The following SH3RF3 variants were observed in gnomAD, a reference collection of about 807,000 sequenced individuals.
SH3RF3 encodes E3 ubiquitin-protein ligase SH3RF3.
Under a neutral mutation model 66.3 loss-of-function variants are expected in SH3RF3, and 29 were observed. The observed-to-expected ratio is 0.44, with a 90% confidence interval of 0.33 to 0.60. The LOEUF is 0.60. Ranked by LOEUF, SH3RF3 falls within the 20% of genes least tolerant of loss-of-function variation. The probability of loss-of-function intolerance (pLI) is 0.04; values close to 1 mark genes in which losing one functional copy is unlikely to be tolerated. For synonymous variants in SH3RF3, 583 were observed against 532.0 expected (o/e 1.10, Z -1.32); for missense variants, 1,194 against 1,190.9 (o/e 1.00, Z -0.04).
At chr2:109,403,618 A>G (rs1402835824) in intron 4 of SH3RF3, among the ~76,000 whole-genome samples, 1 of 152,236 alleles carries the variant, frequency 6.6e-6, no homozygotes, top group African/African-American at 2.4e-5. Flanking sequence ...GCGGTGCTCC[A>G]TAAAGTGCCC....
chr2:109,391,236 T>A (rs979430605), intron 3 of SH3RF3, among the ~76,000 whole-genome samples: 4 of 152,248 alleles, frequency 2.6e-5, no homozygotes, highest in Admixed American at 6.5e-5. Context: ...TAAACTTCAG[T>A]TATCCGAATA....
intron 1 of SH3RF3, among the ~76,000 whole-genome samples, chr2:109,178,168 T>C (rs1677971333): frequency 6.6e-6 from 1 of 152,152 alleles, no homozygotes; most frequent in South Asian, 2.1e-4. Context: ...AAGGAAAAAA[T>C]ATGAGGCACC....
At chr2:109,244,199 G>C (rs939468526) in intron 1 of SH3RF3, among the ~76,000 whole-genome samples, 1 of 152,274 alleles carries the variant, frequency 6.6e-6, no homozygotes, top group Middle Eastern at 3.4e-3. Flanking sequence ...CAAAACAATG[G>C]ATTCTAATCC....
At chr2:109,306,049 T>C (rs1408499269) in intron 1 of SH3RF3, among the ~76,000 whole-genome samples, 1 of 152,228 alleles carries the variant, frequency 6.6e-6, no homozygotes, top group Non-Finnish European at 1.5e-5. Flanking sequence ...TGCTGGGCTC[T>C]TACTGGCAGC....
At chr2:109,271,173 G>A (rs1349611098) in intron 1 of SH3RF3, among the ~76,000 whole-genome samples, 1 of 152,184 alleles carries the variant, frequency 6.6e-6, no homozygotes, top group Admixed American at 6.5e-5. Flanking sequence ...GCTTCCTGGA[G>A]TATTTGCTAA....
intron 1 of SH3RF3, among the ~76,000 whole-genome samples, chr2:109,180,679 T>C (rs1035972197): frequency 3.9e-5 from 6 of 152,218 alleles, no homozygotes; most frequent in African/African-American, 1.4e-4. Context: ...ATGTCCTCCA[T>C]GTAAGATGTG....
intron 7 of SH3RF3, among the ~76,000 whole-genome samples, chr2:109,441,862 C>T (rs1159022101): frequency 6.6e-6 from 1 of 152,048 alleles, no homozygotes; most frequent in Non-Finnish European, 1.5e-5. Flanking sequence ...ATGTCAAGAA[C>T]AGTTCAAGTG....
chr2:109,184,113 G>A (rs1021441019), intron 1 of SH3RF3, among the ~76,000 whole-genome samples: 2 of 152,178 alleles, frequency 1.3e-5, no homozygotes, highest in Non-Finnish European at 2.9e-5. Context: ...CATGTGCTTC[G>A]TAGTCTCCTG....
rs184211342 is a variant in SH3RF3, at chr2:109,143,180, A to G, written c.573+13067A>G. ...CATTTAATGGTCCATTCTGTTTGTC[A>G]AGTGGTGCATATAGAAAAATTGTGG... On this transcript the variant is annotated intron_variant, in intron 1 of 9. Transcript: ENST00000309415. 2.4e-3 allele frequency among the ~76,000 whole-genome samples: 369 copies of G among 152,306 alleles called. 1 individual carries two copies. The highest frequency in any genetic ancestry group is 3.7e-3 in the Non-Finnish European group (255 of 68,032).
chr2:109,456,492 G>C (rs1052499344), intron 8 of SH3RF3, among the ~76,000 whole-genome samples: 1 of 152,234 alleles, frequency 6.6e-6, no homozygotes, highest in African/African-American at 2.4e-5. Flanking sequence ...CTCTAAGTTA[G>C]GAATGTCCCG....
At chr2:109,453,976 C>T (rs1458531615) in intron 8 of SH3RF3, among the ~76,000 whole-genome samples, 1 of 152,206 alleles carries the variant, frequency 6.6e-6, no homozygotes, top group Non-Finnish European at 1.5e-5. Flanking sequence ...GCCAACTGCT[C>T]AGCACTGCAA....
In SH3RF3 at chr2:109,238,311, A is replaced by G. The variant is rs538757061; in HGVS notation, c.573+108198A>G. Among the ~76,000 whole-genome samples the G allele has an allele frequency of 3.3e-5, 5 of 152,356 alleles. No homozygotes were observed. The South Asian group carries it at 1.0e-3, about 32-fold the overall frequency. ...ATGGCAAGTACACTAATATCACTGT[A>G]TTTTTAAAAATCTTATAAATCTATG... On this transcript the variant is annotated intron_variant, in intron 1 of 9. Coordinates refer to ENST00000309415, the MANE Select transcript of SH3RF3 (RefSeq NM_001099289.3).
At chr2:109,382,428 C>T (rs888156962) in intron 3 of SH3RF3, among the ~76,000 whole-genome samples, 2 of 152,160 alleles carry the variant, frequency 1.3e-5, no homozygotes, top group African/African-American at 4.8e-5. Context: ...CCACCCACCT[C>T]CCTCAGCAGC....
intron 4 of SH3RF3, among the ~76,000 whole-genome samples, chr2:109,402,170 G>A (rs530457203): frequency 2.0e-5 from 3 of 152,216 alleles, no homozygotes; most frequent in East Asian, 1.9e-4. Flanking sequence ...AAGCCCTCCC[G>A]GTCTGCCCCT....
chr2:109,481,398 GCCCACA>G (rs1678830108), intron 8 of SH3RF3, among the ~76,000 whole-genome samples: 1 of 152,066 alleles, frequency 6.6e-6, no homozygotes, highest in African/African-American at 2.4e-5. Context: ...CAGCGTTCCT[GCCCACA>G]GGCCAGAGAC....
At chr2:109,189,614 T>C (rs1214184749) in intron 1 of SH3RF3, among the ~76,000 whole-genome samples, 2 of 152,100 alleles carry the variant, frequency 1.3e-5, no homozygotes, top group South Asian at 2.1e-4. Context: ...TGATCTTCCC[T>C]CCTTGGCCTC....
intron 1 of SH3RF3, among the ~76,000 whole-genome samples, chr2:109,330,481 C>T (rs1682258473): frequency 6.6e-6 from 1 of 152,094 alleles, no homozygotes; most frequent in African/African-American, 2.4e-5. Flanking sequence ...TCCTTACGAA[C>T]TTTGTAAGAA....
At chr2:109,130,142 A>C (rs1574465067) in intron 1 of SH3RF3, 29 bp downstream of exon 1, 1 of 1,281,256 alleles carries the variant, frequency 7.8e-7, no homozygotes, top group Admixed American at 4.1e-5. Context: ...GGAAGTGGCC[A>C]CGGCACGTGG....
intron 5 of SH3RF3, among the ~76,000 whole-genome samples, chr2:109,429,827 G>A (rs1427083701): frequency 6.6e-6 from 1 of 152,206 alleles, no homozygotes; most frequent in Non-Finnish European, 1.5e-5. Flanking sequence ...CCGAGCAGAG[G>A]TAGCCCTGCT....
Sources: allele counts gnomAD v4.1 joint callset (sites outside exome capture counted in the v4.1 genomes callset), GRCh38; gene constraint gnomAD v4.1.1; transcripts MANE v1.5; gene names NCBI Gene and HGNC (gene_info 2026-07-23, HGNC 2026-07-21).